The following UTRN variants were observed in gnomAD, a reference collection of about 807,000 sequenced individuals.
The protein encoded by UTRN is dystrophin-related protein 1.
UTRN carries 283 observed loss-of-function variants against 463.9 expected under a neutral mutation model. The ratio of observed to expected loss-of-function variants is 0.61; its 90% CI spans 0.55 to 0.67. UTRN has a LOEUF of 0.67. Among genes scored for constraint, UTRN ranks in the 30% least tolerant of loss-of-function variants. UTRN has a pLI of 0.00. For synonymous variants in UTRN, 1,442 were observed against 1,431.5 expected (o/e 1.01, Z -0.17); for missense variants, 3,922 against 4,084.3 (o/e 0.96, Z 1.08).
chr6:144,665,448 A>G (rs1351883822), intron 51 of UTRN, among the ~76,000 whole-genome samples: 6 of 152,170 alleles, frequency 3.9e-5, no homozygotes, highest in African/African-American at 1.2e-4. Context: ...CTTTATAATC[A>G]AGTAGTAGCT....
chr6:144,665,650 A>G (rs1780308932), intron 51 of UTRN, among the ~76,000 whole-genome samples: 1 of 152,230 alleles, frequency 6.6e-6, no homozygotes, highest in Admixed American at 6.5e-5. Context: ...CTTGATCTGA[A>G]TAGTGGGTGT....
intron 2 of UTRN, among the ~76,000 whole-genome samples, chr6:144,376,843 A>C (rs571161103): frequency 6.6e-6 from 1 of 152,258 alleles, no homozygotes; most frequent in African/African-American, 2.4e-5. Context: ...CAAAGTAAAA[A>C]TGGTCTAACT....
intron 23 of UTRN, among the ~76,000 whole-genome samples, chr6:144,464,463 G>A (rs1789731206): frequency 6.6e-6 from 1 of 152,032 alleles, no homozygotes; most frequent in Non-Finnish European, 1.5e-5. Flanking sequence ...TAATTATGGA[G>A]AGAAATGTGT....
At chr6:144,592,525 C>T (rs772461106) in intron 51 of UTRN, among the ~76,000 whole-genome samples, 6 of 152,106 alleles carry the variant, frequency 3.9e-5, no homozygotes, top group Non-Finnish European at 7.4e-5. Flanking sequence ...CGTGCACCAC[C>T]ACTTCCAGCT....
intron 2 of UTRN, among the ~76,000 whole-genome samples, chr6:144,389,164 C>T (rs931141844): frequency 9.2e-5 from 14 of 152,166 alleles, no homozygotes; most frequent in Non-Finnish European, 1.6e-4. Flanking sequence ...CAGGACAACT[C>T]GAAGTGGGGA....
chr6:144,743,232 G>A (rs1327030331), intron 54 of UTRN, among the ~76,000 whole-genome samples: 2 of 152,080 alleles, frequency 1.3e-5, no homozygotes, highest in Non-Finnish European at 2.9e-5. Flanking sequence ...GCTTTAAAAC[G>A]TAAGTGTAGA....
At chr6:144,785,813 A>C (rs2128740714) in intron 61 of UTRN, among the ~76,000 whole-genome samples, 1 of 152,332 alleles carries the variant, frequency 6.6e-6, no homozygotes, top group East Asian at 1.9e-4. Context: ...TAAAGATAAA[A>C]TTGATTTCAT....
At chr6:144,643,892 T>C (rs1290486723) in intron 51 of UTRN, among the ~76,000 whole-genome samples, 1 of 152,178 alleles carries the variant, frequency 6.6e-6, no homozygotes, top group African/African-American at 2.4e-5. Context: ...ACACGTTTTT[T>C]AAAATTGCTT....
Position 144,685,744 on chromosome 6 carries a change from G to A in UTRN, c.7652+7166G>A, listed in dbSNP as rs562846420. ...TTGTTCTTGCTAATTTGAGTTCCTT[G>A]TAGATTCTGGATATCAATTCTTTGT... is the stretch of plus-strand genomic sequence containing the variant. On this transcript the variant is annotated intron_variant, in intron 52 of 74. Coordinates refer to ENST00000367545, the MANE Select transcript of UTRN (RefSeq NM_007124.3). 2.6e-5 allele frequency among the ~76,000 whole-genome samples: 4 copies of A among 152,072 alleles called. No individual in the cohort carries two copies. The East Asian group carries it at 7.7e-4, about 29-fold the overall frequency.
rs1786846009 is a variant in UTRN, at chr6:144,438,854, G to C, written c.1351G>C (p.Asp451His). ...IQKMETCPLD[D>H]DVKSLQKLLE... ...GAAGATGGAAACTTGCCCCCTGGAT[G>C]ATGATGTAAAATCTCTACAAAAGCT... Residue 451 changes from aspartate (D) to histidine (H), a missense_variant, in exon 12 of 75, where the codon GAT (aspartate) becomes CAT (histidine). By Grantham distance (81) the Asp-to-His change is moderately conservative. Transcript: ENST00000367545. The C allele has an allele frequency of 6.2e-7, 1 of 1,614,186 alleles. No homozygotes were observed. The highest frequency in any genetic ancestry group is 8.5e-7 in the Non-Finnish European group (1 of 1,180,030).
chr6:144,614,268 A>G (rs1805834903), intron 51 of UTRN, among the ~76,000 whole-genome samples: 1 of 152,102 alleles, frequency 6.6e-6, no homozygotes, highest in Non-Finnish European at 1.5e-5. Context: ...TTATCTTAAA[A>G]CAGAAACAGT....
chr6:144,398,217 C>A (rs1020074651), intron 2 of UTRN: 2 of 259,418 alleles, frequency 7.7e-6, no homozygotes, highest in African/African-American at 4.6e-5. Flanking sequence ...TTGGAAGGTA[C>A]TGTGCTGTAG....
intron 2 of UTRN, among the ~76,000 whole-genome samples, chr6:144,359,720 G>GT (rs560188157): frequency 0.044 from 6,175 of 138,928 alleles, 288 homozygotes; most frequent in East Asian, 0.14. Context: ...TCTACGCATC[G>GT]TTTTTTTTTT....
At chr6:144,393,203 G>A (rs1410663586) in intron 2 of UTRN, among the ~76,000 whole-genome samples, 2 of 152,164 alleles carry the variant, frequency 1.3e-5, no homozygotes, top group African/African-American at 4.8e-5. Flanking sequence ...TTGACAGTGA[G>A]GACTAGTTTT....
Position 144,635,950 on chromosome 6 carries a change from T to A in UTRN, c.7480-42456T>A, listed in dbSNP as rs141925570. Among the ~76,000 whole-genome samples, 500 of 152,288 alleles carry A rather than the reference T, an allele frequency of 3.3e-3. 1 individual carries two copies. Among genetic ancestry groups the A allele is most frequent in the African/African-American group, 0.011 (441 of 41,552 alleles). On this transcript the variant is annotated intron_variant, in intron 51 of 74. Coordinates refer to ENST00000367545, the MANE Select transcript of UTRN (RefSeq NM_007124.3). ...CTTCTTAGAAAATTATTATTTTTTT[T>A]AAATATATGAATGTGGTGACTTTTG...
chr6:144,441,473 A>G (rs560135352), intron 13 of UTRN, among the ~76,000 whole-genome samples: 23 of 152,358 alleles, frequency 1.5e-4, no homozygotes, highest in African/African-American at 4.8e-4. Flanking sequence ...GGTCACGCCT[A>G]TGCAAGAGGT....
rs576129924 is a variant in UTRN, at chr6:144,781,590, G to A, written c.8633-332G>A. Among the ~76,000 whole-genome samples the A allele has an allele frequency of 9.2e-5, 14 of 152,224 alleles. No homozygotes were observed. The South Asian group carries it at 2.7e-3, about 29-fold the overall frequency. ...CGCTGCCATTTGGAGTAGATTGAGA[G>A]ATTTATGCCTTGCTACATTTAAAAG... On this transcript the variant is annotated intron_variant, in intron 60 of 74. Transcript: ENST00000367545.
chr6:144,698,921 G>A (rs1187930790), intron 52 of UTRN, among the ~76,000 whole-genome samples: 4 of 152,322 alleles, frequency 2.6e-5, no homozygotes, highest in Admixed American at 6.5e-5. Flanking sequence ...TTAAATGAGA[G>A]TATAAAGTAC....
intron 2 of UTRN, among the ~76,000 whole-genome samples, chr6:144,316,044 T>C (rs1775267029): frequency 6.6e-6 from 1 of 152,150 alleles, no homozygotes; most frequent in South Asian, 2.1e-4. Flanking sequence ...TACCTTCTCA[T>C]CTTTCATGGT....
Sources: gnomAD v4.1 joint callset for allele counts (sites outside exome capture counted in the v4.1 genomes callset) on GRCh38, gnomAD v4.1.1 for gene constraint, MANE v1.5 for transcripts, NCBI Gene and HGNC (gene_info 2026-07-23, HGNC 2026-07-21) for gene names.